The following NPHP4 variants were observed in gnomAD, a reference collection of about 807,000 sequenced individuals.
The protein encoded by NPHP4 is nephrocystin-4.
NPHP4 carries 151 observed loss-of-function variants against 155.8 expected under a neutral mutation model. The observed-to-expected ratio is 0.97, with a 90% CI of 0.85 to 1.11. The LOEUF (loss-of-function observed/expected upper bound fraction) is 1.11. NPHP4 is among the 50% of genes least tolerant of loss of function. NPHP4 has a pLI of 0.00. For missense variants in NPHP4, 1,956 were observed against 1,925.7 expected, an observed-to-expected ratio of 1.02 and a Z score of -0.29; for synonymous variants, 845 against 816.8, an observed-to-expected ratio of 1.03 and a Z score of -0.59.
In NPHP4 at chr1:5,978,412, C is replaced by T; in HGVS notation, c.137G>A (p.Gly46Asp). ...AACCTCTGACAGTACCTCCAGCACG[C>T]CCTAGGAGACAACGGGGAATTGACC... ...KWLDGPVIRQ[G>D]VLEVLSEVEC... Residue 46 changes from glycine to aspartate, a missense_variant and splice_region_variant, in exon 3 of 30, where the codon GGC (glycine) becomes GAC (aspartate). Gly to Asp is a moderately conservative substitution (Grantham distance 94). Coordinates refer to ENST00000378156, the MANE Select transcript of NPHP4 (RefSeq NM_015102.5). The T allele has an allele frequency of 6.2e-7, 1 of 1,600,850 alleles. No homozygotes were observed.
intron 3 of NPHP4, among the ~76,000 whole-genome samples, chr1:5,971,352 G>A (rs886433687): frequency 1.3e-5 from 2 of 152,222 alleles, no homozygotes; most frequent in South Asian, 4.1e-4. Flanking sequence ...AGAGTCAGCC[G>A]CTCCAAGTGC....
Position 5,952,744 on chromosome 1 carries a change from C to G in NPHP4, c.766G>C (p.Glu256Gln), listed in dbSNP as rs1385684995. Residue 256 changes from glutamate (E) to glutamine (Q), a missense_variant, in exon 7 of 30, where the codon GAG becomes CAG. Transcript: ENST00000378156. Reference sequence around the variant, plus strand: ...ACGTGGAGCTCCAGCAGCTCTTCCTCAAACTTCTCCAGGGAGGGGTACAGG... The same window carrying G: ...ACGTGGAGCTCCAGCAGCTCTTCCTGAAACTTCTCCAGGGAGGGGTACAGG... ...FTLYPSLEKF[E>Q]EELLELHVQD... 2.6e-6 allele frequency: 4 copies of G among 1,566,438 alleles called. No individual in the cohort carries two copies. The highest frequency in any genetic ancestry group is 3.5e-6 in the Non-Finnish European group (4 of 1,155,390).
At chr1:5,978,555 C>A (rs971069963) in intron 2 of NPHP4, 142 bp from the exon 3 acceptor site, 2 of 759,674 alleles carry the variant, frequency 2.6e-6, no homozygotes, top group Middle Eastern at 3.1e-4. Flanking sequence ...TACCTCTCTC[C>A]CACAGCTACT....
intron 5 of NPHP4, among the ~76,000 whole-genome samples, chr1:5,962,856 C>A (rs1650610838): frequency 6.6e-6 from 1 of 152,338 alleles, no homozygotes; most frequent in South Asian, 2.1e-4. Flanking sequence ...GGGAGAGGCA[C>A]ACCCCCGAAA....
At chr1:5,936,270 G>A (rs889981418) in intron 9 of NPHP4, among the ~76,000 whole-genome samples, 39 of 152,164 alleles carry the variant, frequency 2.6e-4, no homozygotes, top group Middle Eastern at 3.2e-3. Flanking sequence ...CTCAACAGGC[G>A]AATGGGGGCC....
chr1:5,872,048 A>T (rs1642062213), intron 23 of NPHP4, among the ~76,000 whole-genome samples: 1 of 152,256 alleles, frequency 6.6e-6, no homozygotes, highest in South Asian at 2.1e-4. Context: ...AACTTTCCTT[A>T]TCTGACTAGT....
At chr1:5,908,908 G>A (rs919854521) in intron 12 of NPHP4, among the ~76,000 whole-genome samples, 3 of 152,180 alleles carry the variant, frequency 2.0e-5, no homozygotes, top group Non-Finnish European at 2.9e-5. Flanking sequence ...ATGTGGAGAC[G>A]CCCCATACAG....
At chr1:5,990,756 G>A (rs2102491342) in intron 1 of NPHP4, among the ~76,000 whole-genome samples, 1 of 152,296 alleles carries the variant, frequency 6.6e-6, no homozygotes, top group East Asian at 1.9e-4. Context: ...GGCCCAGAGG[G>A]AAAAAGTAAG....
chr1:5,951,773 G>A (rs191671542), intron 7 of NPHP4, among the ~76,000 whole-genome samples: 123 of 152,348 alleles, frequency 8.1e-4, no homozygotes, highest in South Asian at 7.9e-3. Flanking sequence ...GTCTTGTCTG[G>A]CATACAAACA....
intron 11 of NPHP4, among the ~76,000 whole-genome samples, chr1:5,912,395 G>A (rs1003649314): frequency 1.3e-4 from 20 of 152,176 alleles, no homozygotes; most frequent in South Asian, 1.2e-3. Context: ...AAAATTAGCC[G>A]GGTATGGTGG....
chr1:5,957,355 T>C (rs540214221), intron 6 of NPHP4, among the ~76,000 whole-genome samples: 16 of 152,218 alleles, frequency 1.1e-4, no homozygotes, highest in African/African-American at 3.1e-4. Flanking sequence ...CCCCTGAGAT[T>C]CCCCTAGGCC....
intron 18 of NPHP4, among the ~76,000 whole-genome samples, chr1:5,883,371 C>T (rs1333987406): frequency 2.0e-5 from 3 of 152,124 alleles, no homozygotes; most frequent in Admixed American, 6.5e-5. Context: ...CCGATGTTCA[C>T]GCTCCGGGCC....
chr1:5,884,227 G>A (rs948125137), intron 18 of NPHP4, among the ~76,000 whole-genome samples: 5 of 152,124 alleles, frequency 3.3e-5, no homozygotes, highest in East Asian at 1.9e-4. Flanking sequence ...CAGGGCTCCC[G>A]ATGCAGCCCT....
At chr1:5,937,602 G>A (rs1025537578) in intron 9 of NPHP4, among the ~76,000 whole-genome samples, 6 of 152,082 alleles carry the variant, frequency 3.9e-5, no homozygotes, top group Non-Finnish European at 8.8e-5. Flanking sequence ...AGGGGATGGC[G>A]GCCGTTCTCT....
At chr1:5,985,716 CCCAA>C (rs1655373081) in intron 2 of NPHP4, among the ~76,000 whole-genome samples, 1 of 152,196 alleles carries the variant, frequency 6.6e-6, no homozygotes, top group Non-Finnish European at 1.5e-5. Flanking sequence ...ACTGCCAAGG[CCCAA>C]GGTAATGGGT....
chr1:5,866,189 T>G, intron 26 of NPHP4, 184 bp downstream of exon 26: 1 of 624,540 alleles, frequency 1.6e-6, no homozygotes, highest in Non-Finnish European at 2.9e-6. Context: ...CCCTCCAAGG[T>G]GCCTTCCCTA....
At chr1:5,986,458 CA>C in intron 1 of NPHP4, 131 bp from the exon 2 acceptor site, 1 of 696,802 alleles carries the variant, frequency 1.4e-6, no homozygotes, top group Non-Finnish European at 2.3e-6. Flanking sequence ...CTGCAAACCC[CA>C]GAAGAGTGGA....
chr1:5,862,976 A>G lies in NPHP4; in HGVS notation c.*289T>C. ...ATAAAATACATTTTGAGCAACAGCG[A>G]TAACGAGGGTCCCACATGCGTAGAT... On this transcript the variant is annotated 3_prime_UTR_variant, in exon 30 of 30. Transcript: ENST00000378156. The G allele has an allele frequency of 4.4e-6, 2 of 458,400 alleles. No individual in the cohort carries two copies. Among genetic ancestry groups the G allele is most frequent in the Non-Finnish European group, 3.9e-6 (1 of 253,328 alleles). The allele number at this position is 458,400 out of a possible 1,614,324, so 28.4% of individuals were successfully genotyped here.
At chr1:5,989,839 C>T (rs144839603) in intron 1 of NPHP4, among the ~76,000 whole-genome samples, 213 of 152,306 alleles carry the variant, frequency 1.4e-3, no homozygotes, top group African/African-American at 4.6e-3. Context: ...GACGTGCATA[C>T]GCCAGTCGAC....
Sources: allele counts gnomAD v4.1 joint callset (sites outside exome capture counted in the v4.1 genomes callset), GRCh38; gene constraint gnomAD v4.1.1; transcripts MANE v1.5; gene names NCBI Gene and HGNC (gene_info 2026-07-23, HGNC 2026-07-21).